Variants in GRID2 observed in about 807,000 individuals in gnomAD.
GRID2 encodes glutamate ionotropic receptor delta type subunit 2, also known as glutamate receptor ionotropic, delta-2.
A neutral mutation model predicts 114.8 loss-of-function variants in GRID2; 33 were observed. The observed-to-expected ratio is 0.29, with a 90% confidence interval of 0.22 to 0.38. The LOEUF is 0.38. GRID2 is among the 10% of genes least tolerant of loss of function. The pLI is 1.00. For synonymous variants in GRID2, 505 were observed against 449.9 expected, an observed-to-expected ratio of 1.12 and a Z score of -1.55; for missense variants, 1,184 against 1,257.7, an observed-to-expected ratio of 0.94 and a Z score of 0.89.
chr4:93,377,925 AT>A (rs2149303351), intron 8 of GRID2, among the ~76,000 whole-genome samples: 1 of 152,306 alleles, frequency 6.6e-6, no homozygotes, highest in Non-Finnish European at 1.5e-5. Context: ...ATGATTCTAC[AT>A]GTATATCTTG....
chr4:92,538,346 A>G (rs1560697128), intron 1 of GRID2, among the ~76,000 whole-genome samples: 1 of 152,212 alleles, frequency 6.6e-6, no homozygotes, highest in Non-Finnish European at 1.5e-5. Context: ...TGATAAATGT[A>G]GATTCTAAAT....
At chr4:92,436,527 A>G (rs1174301470) in intron 1 of GRID2, among the ~76,000 whole-genome samples, 1 of 151,972 alleles carries the variant, frequency 6.6e-6, no homozygotes, top group Non-Finnish European at 1.5e-5. Context: ...GTTTGTTTAC[A>G]TTTTTGAATT....
At chr4:93,619,370 T>G (rs1742002863) in intron 13 of GRID2, among the ~76,000 whole-genome samples, 1 of 152,198 alleles carries the variant, frequency 6.6e-6, no homozygotes, top group African/African-American at 2.4e-5. Flanking sequence ...CCATCCCATC[T>G]TTAGGACTTA....
intron 12 of GRID2, among the ~76,000 whole-genome samples, chr4:93,503,190 T>C (rs1728293320): frequency 6.6e-6 from 1 of 152,188 alleles, no homozygotes; most frequent in East Asian, 1.9e-4. Flanking sequence ...GTGAAATTAA[T>C]GTGGGAAGAG....
At chr4:93,206,916 G>A (rs1742865900) in intron 4 of GRID2, among the ~76,000 whole-genome samples, 1 of 152,016 alleles carries the variant, frequency 6.6e-6, no homozygotes, top group Non-Finnish European at 1.5e-5. Context: ...AGAATACAGA[G>A]CAGTTTACTT....
chr4:93,157,939 T>G (rs182865490), intron 4 of GRID2, among the ~76,000 whole-genome samples: 13 of 151,896 alleles, frequency 8.6e-5, no homozygotes, highest in Admixed American at 8.5e-4. Context: ...AACATAAAAT[T>G]ATTAAAATTT....
intron 12 of GRID2, among the ~76,000 whole-genome samples, chr4:93,514,705 G>A (rs561667824): frequency 3.2e-4 from 49 of 152,230 alleles, no homozygotes; most frequent in African/African-American, 1.1e-3. Flanking sequence ...TGTCTGACGT[G>A]TGTATTCAAT....
intron 8 of GRID2, among the ~76,000 whole-genome samples, chr4:93,290,982 A>G (rs1326658158): frequency 7.2e-6 from 1 of 138,106 alleles, no homozygotes; most frequent in South Asian, 2.3e-4. Flanking sequence ...GGTTCACGCC[A>G]TTCTCCTGCC....
chr4:93,178,380 ATTTTTTTTTTTTT>A (rs11428288), intron 4 of GRID2, among the ~76,000 whole-genome samples: 226 of 50,338 alleles, frequency 4.5e-3, no homozygotes, highest in African/African-American at 7.6e-3. Flanking sequence ...TTGAAAATAG[ATTTTTTTTTTTTT>A]TTTTTTTTTT....
At chr4:93,683,851 T>C (rs1006098269) in intron 14 of GRID2, among the ~76,000 whole-genome samples, 5 of 152,090 alleles carry the variant, frequency 3.3e-5, no homozygotes, top group Admixed American at 1.3e-4. Context: ...AACACAATTG[T>C]GGTGTATTAA....
chr4:93,389,781 TTTTTTTTTTTC>T (rs1240011294), intron 8 of GRID2, among the ~76,000 whole-genome samples: 7 of 144,754 alleles, frequency 4.8e-5, no homozygotes, highest in South Asian at 2.1e-4. Context: ...TTGAAGCAAG[TTTTTTTTTTTC>T]TTTTTTTTTT....
intron 13 of GRID2, among the ~76,000 whole-genome samples, chr4:93,590,112 A>G (rs1380568599): frequency 6.7e-6 from 1 of 149,846 alleles, no homozygotes; most frequent in South Asian, 2.1e-4. Context: ...GGTGTTTTAG[A>G]CATGAAGTCC....
intron 1 of GRID2, among the ~76,000 whole-genome samples, chr4:93,790,363 C>T (rs182538836): frequency 1.3e-5 from 2 of 152,144 alleles, no homozygotes; most frequent in Admixed American, 6.5e-5. Flanking sequence ...ACAATGATTA[C>T]TTAGAATCTA....
chr4:93,803,386 T>C (rs1302163270), intron 1 of GRID2, among the ~76,000 whole-genome samples: 2 of 152,192 alleles, frequency 1.3e-5, no homozygotes, highest in Non-Finnish European at 2.9e-5. Context: ...GTACCAATTC[T>C]GAATGTTGCG....
intron 11 of GRID2, among the ~76,000 whole-genome samples, chr4:93,462,178 A>C (rs1484850636): frequency 6.6e-6 from 1 of 152,204 alleles, no homozygotes; most frequent in African/African-American, 2.4e-5. Context: ...ACTAGGGTTT[A>C]ATAAATATTT....
chr4:93,204,137 T>A (rs1742409189), intron 4 of GRID2: 1 of 152,190 alleles, frequency 6.6e-6, no homozygotes, highest in African/African-American at 2.4e-5. Context: ...TCTGATAAAC[T>A]TTGTATCCAC....
At chr4:92,313,079 ATATGTGTG>A (rs1408500822) in intron 1 of GRID2, among the ~76,000 whole-genome samples, 1 of 105,364 alleles carries the variant, frequency 9.5e-6, no homozygotes, top group African/African-American at 4.0e-5. Context: ...AGAAACTCTG[ATATGTGTG>A]TGTGTGTGTG....
chr4:92,471,483 C>T (rs1722030474), intron 1 of GRID2, among the ~76,000 whole-genome samples: 1 of 151,964 alleles, frequency 6.6e-6, no homozygotes, highest in African/African-American at 2.4e-5. Flanking sequence ...TATGTTTTCT[C>T]CTATATCATA....
In GRID2 at chr4:92,434,398, T is replaced by G. The variant is rs1732629785; in HGVS notation, c.88+129654T>G. 2.6e-5 allele frequency among the ~76,000 whole-genome samples: 4 copies of G among 152,234 alleles called. No individual in the cohort carries two copies. The South Asian group carries it at 8.3e-4, about 31-fold the overall frequency. ...TTTTTATTTCTGAAACAATGTTCTC[T>G]TAAATGGCGTTAAACATAACCTAAC... On this transcript the variant is annotated intron_variant, in intron 1 of 15. Coordinates refer to ENST00000282020, the MANE Select transcript of GRID2 (RefSeq NM_001510.4).
Sources: allele counts gnomAD v4.1 joint callset (sites outside exome capture counted in the v4.1 genomes callset), GRCh38; gene constraint gnomAD v4.1.1; transcripts MANE v1.5; gene names NCBI Gene and HGNC (gene_info 2026-07-23, HGNC 2026-07-21).